Variants in PPARD observed in about 807,000 individuals in gnomAD.
PPARD encodes peroxisome proliferator-activated receptor delta.
Under a neutral mutation model 39.5 loss-of-function variants are expected in PPARD, and 6 were observed. That is an observed-to-expected ratio of 0.15 (90% CI 0.08 to 0.30). The LOEUF (loss-of-function observed/expected upper bound fraction) is 0.30, where lower values mean the gene tolerates loss of function less well. Ranked by LOEUF, PPARD falls within the 10% of genes least tolerant of loss-of-function variation. The probability of loss-of-function intolerance (pLI) is 1.00; values close to 1 mark genes in which losing one functional copy is unlikely to be tolerated. For missense variants in PPARD, 397 were observed against 596.8 expected, an observed-to-expected ratio of 0.67 and a Z score of 3.49; for synonymous variants, 210 against 231.3, an observed-to-expected ratio of 0.91 and a Z score of 0.83.
intron 2 of PPARD, among the ~76,000 whole-genome samples, chr6:35,354,899 G>A (rs139980110): frequency 1.2e-4 from 18 of 152,252 alleles, no homozygotes; most frequent in African/African-American, 3.6e-4. Flanking sequence ...GCTGGAGACC[G>A]GTGTGACTCA....
intron 2 of PPARD, among the ~76,000 whole-genome samples, chr6:35,365,993 T>G (rs911955557): frequency 1.3e-5 from 2 of 151,690 alleles, no homozygotes; most frequent in Non-Finnish European, 2.9e-5. Flanking sequence ...GAGTGAGCGC[T>G]GGTATCTGAG....
chr6:35,370,707 C>T (rs1762439997), intron 2 of PPARD, among the ~76,000 whole-genome samples: 1 of 152,350 alleles, frequency 6.6e-6, no homozygotes, highest in Non-Finnish European at 1.5e-5. Flanking sequence ...TCCCAGGTCA[C>T]AGCAGCAGCC....
chr6:35,377,854 G>A (rs1762901713), intron 2 of PPARD, among the ~76,000 whole-genome samples: 1 of 123,910 alleles, frequency 8.1e-6, no homozygotes, highest in African/African-American at 4.5e-5. Context: ...TCTGTGGGTC[G>A]CTGCTTGTTT....
chr6:35,401,192 C>G lies in PPARD; in HGVS notation c.-101-9795C>G, dbSNP rs914851714. On this transcript the variant is annotated intron_variant, in intron 2 of 7. Transcript: ENST00000360694. The surrounding 1 kb of genome is among the most constrained non-coding windows in gnomAD (Gnocchi z 4.1). ...GCCAGAGAGGTACTCAGCTCTGAGTCAGGGCCCCATCCCTCAACTCCTCAG... is the reference window on the plus strand; with the variant it reads ...GCCAGAGAGGTACTCAGCTCTGAGTGAGGGCCCCATCCCTCAACTCCTCAG... Among the ~76,000 whole-genome samples, 1 of 152,154 alleles carries G rather than the reference C, an allele frequency of 6.6e-6. No individual in the cohort carries two copies. The highest frequency in any genetic ancestry group is 2.4e-5 in the African/African-American group (1 of 41,436).
chr6:35,424,222 G>C lies in PPARD; in HGVS notation c.627+74G>C, dbSNP rs1310957543. 1.3e-6 allele frequency: 2 copies of C among 1,595,322 alleles called. No homozygotes were observed. Among genetic ancestry groups the C allele is most frequent in the Admixed American group, 1.7e-5 (1 of 58,448 alleles). On this transcript the variant is annotated intron_variant, in intron 6 of 7. Transcript: ENST00000360694. This position sits in a 1 kb window ranked among gnomAD's most constrained non-coding sequence, Gnocchi z 7.1. The stretch of plus-strand genomic sequence containing the variant: ...CACTGCCGCCTGCCTGACTCCGGGA[G>C]AGCCAGGCCTTCTCCCTCCCTCAAC...
At chr6:35,383,758 GC>G (rs1288045912) in intron 2 of PPARD, among the ~76,000 whole-genome samples, 5 of 142,268 alleles carry the variant, frequency 3.5e-5, no homozygotes, top group African/African-American at 1.5e-4. Context: ...CTGCCCCGCC[GC>G]CCCGTCTGAG....
At chr6:35,362,339 T>G (rs1008779133) in intron 2 of PPARD, among the ~76,000 whole-genome samples, 4 of 152,074 alleles carry the variant, frequency 2.6e-5, no homozygotes, top group African/African-American at 9.7e-5. Flanking sequence ...TTGCCAGACT[T>G]GCAGAGGGTA....
rs796875046 is a variant in PPARD at position 35,421,335 on chromosome 6, ATTTTG to A, written c.286-469_286-465del. Among the ~76,000 whole-genome samples the A allele has an allele frequency of 8.9e-3, 1,262 of 142,390 alleles. 14 individuals are homozygous for A. Among genetic ancestry groups the A allele is most frequent in the Non-Finnish European group, 0.013 (825 of 64,722 alleles). 93.4% of individuals were successfully genotyped at this position (142,390 alleles called of 152,430 possible). ...TTTTTTTTTTGTTTTGTTTTGTTTT[ATTTTG>A]TTTTGTTTTGTTTTGAGATGGAGTT... On this transcript the variant is annotated intron_variant, in intron 4 of 7. Transcript: ENST00000360694.
At chr6:35,397,024 C>G (rs1440196335) in intron 2 of PPARD, among the ~76,000 whole-genome samples, 4 of 152,160 alleles carry the variant, frequency 2.6e-5, no homozygotes, top group Non-Finnish European at 5.9e-5. Flanking sequence ...TTCCCTGAGG[C>G]CTCCAGAGGC....
chr6:35,385,739 G>A (rs964379249), intron 2 of PPARD, among the ~76,000 whole-genome samples: 9 of 151,596 alleles, frequency 5.9e-5, no homozygotes, highest in African/African-American at 2.2e-4. Flanking sequence ...TGTTTTGAAC[G>A]CATTATAAGG....
rs76879612 is a variant in PPARD, at chr6:35,425,600, C to T, written c.1079-232C>T. Among the ~76,000 whole-genome samples, 476 of 151,814 alleles carry T rather than the reference C, an allele frequency of 3.1e-3. 4 individuals carry two copies. Among genetic ancestry groups the T allele is most frequent in the African/African-American group, 0.01 (427 of 41,384 alleles). ...ATTGAGTCTCTTAACCACAATACTACGTTGCCTAATCGGGGGGGAGGTGGG... is the reference window on the plus strand; with the variant it reads ...ATTGAGTCTCTTAACCACAATACTATGTTGCCTAATCGGGGGGGAGGTGGG... On this transcript the variant is annotated intron_variant, in intron 7 of 7. Transcript: ENST00000360694. This position sits in a 1 kb window ranked among gnomAD's most constrained non-coding sequence, Gnocchi z 4.5.
At position 35,426,526 on chromosome 6, in the gene PPARD, C is replaced by G; in HGVS notation, c.*447C>G. 5.3e-6 allele frequency: 1 copy of G among 189,510 alleles called. No individual in the cohort carries two copies. 11.7% of individuals were successfully genotyped at this position (189,510 alleles called of 1,614,324 possible). Reference sequence around the variant, plus strand: ...GAAGAGAGTGGGGCCTGCCCTCTGCCCCATCATTGCACCTGCAGGCTTAGG... The same window carrying G: ...GAAGAGAGTGGGGCCTGCCCTCTGCGCCATCATTGCACCTGCAGGCTTAGG... On this transcript the variant is annotated 3_prime_UTR_variant, in exon 8 of 8. Coordinates refer to ENST00000360694, the MANE Select transcript of PPARD (RefSeq NM_006238.5).
chr6:35,419,748 C>T (rs1377884348), intron 3 of PPARD, among the ~76,000 whole-genome samples: 1 of 152,150 alleles, frequency 6.6e-6, no homozygotes, highest in East Asian at 1.9e-4. Context: ...GAGCTGCTTC[C>T]TAAGGGCTAA....
Position 35,425,735 on chromosome 6 carries a change from A to G in PPARD, c.1079-97A>G. 6.6e-7 allele frequency: 1 copy of G among 1,523,306 alleles called. No individual in the cohort carries two copies. Among genetic ancestry groups the G allele is most frequent in the Admixed American group, 1.8e-5 (1 of 56,094 alleles). The allele number at this position is 1,523,306 out of a possible 1,614,324, so 94.4% of individuals were successfully genotyped here. ...AGGGCTTGGTCTGTCACGGCCAAGG[A>G]GGCCTGCCGTCCCCTGGGCCAAGTC... On this transcript the variant is annotated intron_variant, in intron 7 of 7. Transcript: ENST00000360694. The surrounding 1 kb of genome is among the most constrained non-coding windows in gnomAD (Gnocchi z 4.5).
chr6:35,342,875 C>T (rs776977027), intron 1 of PPARD, among the ~76,000 whole-genome samples, 194 bp downstream of exon 1: 1 of 152,206 alleles, frequency 6.6e-6, no homozygotes, highest in African/African-American at 2.4e-5. Context: ...TCGTGCGTTG[C>T]CATGTAGGCG....
At chr6:35,359,457 G>A (rs1036719627) in intron 2 of PPARD, among the ~76,000 whole-genome samples, 6 of 152,158 alleles carry the variant, frequency 3.9e-5, no homozygotes, top group Admixed American at 1.3e-4. Context: ...TTCCATGGCA[G>A]TGTTGGCATG....
At chr6:35,423,535 AAAAAAAAAAAG>A (rs1416400631) in intron 5 of PPARD, among the ~76,000 whole-genome samples, 1 of 151,418 alleles carries the variant, frequency 6.6e-6, no homozygotes, top group Non-Finnish European at 1.5e-5. Context: ...TCTGTCTCAA[AAAAAAAAAAAG>A]AAAAGAAAAA....
At chr6:35,417,892 T>C (rs549592486) in intron 3 of PPARD, among the ~76,000 whole-genome samples, 1 of 152,368 alleles carries the variant, frequency 6.6e-6, no homozygotes, top group East Asian at 1.9e-4. Flanking sequence ...GTCCTGCATA[T>C]AGAAGGTGCT....
chr6:35,408,299 CTG>C (rs1361172095), intron 2 of PPARD, among the ~76,000 whole-genome samples: 9 of 152,176 alleles, frequency 5.9e-5, no homozygotes, highest in African/African-American at 1.4e-4. Flanking sequence ...CCAATGAACA[CTG>C]TAGCTGCAAG....
Sources: gnomAD v4.1 joint callset for allele counts (sites outside exome capture counted in the v4.1 genomes callset) on GRCh38, gnomAD v4.1.1 for gene constraint, Gnocchi (gnomAD v3.1) non-coding constraint, MANE v1.5 for transcripts, NCBI Gene and HGNC (gene_info 2026-07-23, HGNC 2026-07-21) for gene names.